PARD3B: variants seen among roughly 807,000 people sequenced by gnomAD.
The protein encoded by PARD3B is partitioning defective 3 homolog B.
A neutral mutation model predicts 130.2 loss-of-function variants in PARD3B; 103 were observed. The ratio of observed to expected loss-of-function variants is 0.79; its 90% CI spans 0.67 to 0.93. The LOEUF is 0.93. Ranked by LOEUF, PARD3B falls within the 40% of genes least tolerant of loss-of-function variation. The probability of loss-of-function intolerance (pLI) is 0.00; values close to 1 mark genes in which losing one functional copy is unlikely to be tolerated. For synonymous variants in PARD3B, 583 were observed against 553.2 expected (o/e 1.05, Z -0.76); for missense variants, 1,609 against 1,499.2 (o/e 1.07, Z -1.21).
intron 3 of PARD3B, among the ~76,000 whole-genome samples, chr2:204,985,484 T>G (rs1362670363): frequency 6.6e-6 from 1 of 152,174 alleles, no homozygotes; most frequent in Non-Finnish European, 1.5e-5. Flanking sequence ...TCTAACACTT[T>G]TCTGGAAAAA....
At chr2:205,238,835 C>CAAAAAAAA (rs71879579) in intron 15 of PARD3B, among the ~76,000 whole-genome samples, 5 of 26,094 alleles carry the variant, frequency 1.9e-4, no homozygotes, top group South Asian at 1.6e-3. Context: ...AACTCCGTTT[C>CAAAAAAAA]AAAAAAAAAA....
intron 20 of PARD3B, among the ~76,000 whole-genome samples, chr2:205,480,917 A>T (rs1278572477): frequency 1.3e-5 from 2 of 152,158 alleles, no homozygotes; most frequent in African/African-American, 2.4e-5. Flanking sequence ...ATGCCTTGAG[A>T]ACGTGGAGGC....
intron 2 of PARD3B, among the ~76,000 whole-genome samples, chr2:204,929,282 A>G (rs1043065385): frequency 4.6e-5 from 7 of 152,280 alleles, no homozygotes; most frequent in African/African-American, 1.7e-4. Context: ...TAGTTGAATA[A>G]TCTGCCAGTG....
chr2:205,383,137 T>TAGAG (rs2045537888), intron 18 of PARD3B, among the ~76,000 whole-genome samples: 3 of 106,260 alleles, frequency 2.8e-5, no homozygotes, highest in East Asian at 2.7e-4. Flanking sequence ...GATAGATAGA[T>TAGAG]AGATCGATCT....
chr2:204,851,186 T>C (rs2044694427), intron 2 of PARD3B, among the ~76,000 whole-genome samples: 1 of 152,144 alleles, frequency 6.6e-6, no homozygotes, highest in Non-Finnish European at 1.5e-5. Context: ...TTAACCTTGG[T>C]GAAACACACA....
chr2:205,343,199 G>A (rs553622824), intron 18 of PARD3B, among the ~76,000 whole-genome samples: 5 of 152,258 alleles, frequency 3.3e-5, no homozygotes, highest in East Asian at 1.9e-4. Context: ...TGAAGCCCCC[G>A]ACTGTAGGAA....
At chr2:204,791,442 A>G (rs896245007) in intron 2 of PARD3B, among the ~76,000 whole-genome samples, 7 of 152,216 alleles carry the variant, frequency 4.6e-5, no homozygotes, top group Admixed American at 6.5e-5. Flanking sequence ...GTAAGGAAAC[A>G]TTGGTGGTTT....
At chr2:204,803,553 G>A (rs904076280) in intron 2 of PARD3B, among the ~76,000 whole-genome samples, 2 of 152,128 alleles carry the variant, frequency 1.3e-5, no homozygotes, top group Non-Finnish European at 2.9e-5. Flanking sequence ...GAGTTAAAAA[G>A]CATGGGACAC....
intron 13 of PARD3B, among the ~76,000 whole-genome samples, chr2:205,179,624 G>A (rs1190226449): frequency 6.6e-6 from 1 of 152,202 alleles, no homozygotes; most frequent in Non-Finnish European, 1.5e-5. Context: ...GCTTACCAGA[G>A]TAAGCTAATC....
chr2:204,683,285 T>C (rs2036924795), intron 1 of PARD3B, among the ~76,000 whole-genome samples: 1 of 152,218 alleles, frequency 6.6e-6, no homozygotes, highest in African/African-American at 2.4e-5. Flanking sequence ...CAGTTACTTG[T>C]GCAATATAAA....
chr2:205,524,666 A>T (rs904440336), intron 21 of PARD3B, among the ~76,000 whole-genome samples: 1 of 152,164 alleles, frequency 6.6e-6, no homozygotes, highest in Non-Finnish European at 1.5e-5. Context: ...AGAATCCAAG[A>T]CTTTCCAGGT....
At chr2:204,563,233 C>G (rs2031448233) in intron 1 of PARD3B, among the ~76,000 whole-genome samples, 2 of 142,432 alleles carry the variant, frequency 1.4e-5, no homozygotes, top group African/African-American at 5.5e-5. Context: ...CTCTCTCTCT[C>G]TCTCTCTCTC....
rs2054385504 is a variant in PARD3B, at chr2:205,591,513, A to C, written c.3261-23943A>C. Among the ~76,000 whole-genome samples, 1 of 152,192 alleles carries C rather than the reference A, an allele frequency of 6.6e-6. No individual in the cohort carries two copies. The highest frequency in any genetic ancestry group is 2.4e-5 in the African/African-American group (1 of 41,448). ...ACAGACTTTCTCATTTAACCCTCCT[A>C]GCTACTCAGTGGAAGCAAATAACCA... On this transcript the variant is annotated intron_variant, in intron 22 of 22. Transcript: ENST00000406610. The surrounding 1 kb of genome is among the most constrained non-coding windows in gnomAD (Gnocchi z 4.2).
In PARD3B at chr2:204,903,438, T is replaced by C. The variant is rs189582831; in HGVS notation, c.223-61714T>C. On this transcript the variant is annotated intron_variant, in intron 2 of 22. Transcript: ENST00000406610. Reference sequence around the variant, plus strand: ...ATTACATGTTTAATGTGTTTTGTTTTATATTACCACAAATTGGCTAAAACC... The same window carrying C: ...ATTACATGTTTAATGTGTTTTGTTTCATATTACCACAAATTGGCTAAAACC... Among the ~76,000 whole-genome samples the C allele has an allele frequency of 1.8e-4, 27 of 152,344 alleles. No homozygotes were observed. The East Asian group carries it at 5.2e-3, about 29-fold the overall frequency.
chr2:205,025,108 A>C (rs1032173063), intron 3 of PARD3B, among the ~76,000 whole-genome samples: 2 of 152,324 alleles, frequency 1.3e-5, no homozygotes, highest in Admixed American at 6.5e-5. Flanking sequence ...TCTTTCCAGC[A>C]GTGGAATATT....
chr2:204,653,923 A>G (rs1390547051), intron 1 of PARD3B, among the ~76,000 whole-genome samples: 1 of 151,266 alleles, frequency 6.6e-6, no homozygotes, highest in Non-Finnish European at 1.5e-5. Context: ...GACAACGTAC[A>G]CTATTTCCCC....
At chr2:205,111,299 C>A (rs555505629) in intron 5 of PARD3B, among the ~76,000 whole-genome samples, 3 of 151,712 alleles carry the variant, frequency 2.0e-5, no homozygotes, top group African/African-American at 7.3e-5. Flanking sequence ...CTTCTAGCTA[C>A]AAAATTGCAA....
chr2:204,959,119 C>G (rs1286529240), intron 2 of PARD3B, among the ~76,000 whole-genome samples: 1 of 152,052 alleles, frequency 6.6e-6, no homozygotes, highest in Admixed American at 6.6e-5. Flanking sequence ...TGATGCTCTC[C>G]CTCCCCTTTC....
At chr2:205,521,319 C>A (rs2051041720) in intron 21 of PARD3B, among the ~76,000 whole-genome samples, 1 of 151,516 alleles carries the variant, frequency 6.6e-6, no homozygotes, top group African/African-American at 2.4e-5. Context: ...TTTATTTTTT[C>A]TATTACAATG....
Sources: gnomAD v4.1 joint callset for allele counts (sites outside exome capture counted in the v4.1 genomes callset) on GRCh38, gnomAD v4.1.1 for gene constraint, Gnocchi (gnomAD v3.1) non-coding constraint, MANE v1.5 for transcripts, NCBI Gene and HGNC (gene_info 2026-07-23, HGNC 2026-07-21) for gene names.